SDK2: variants seen among roughly 807,000 people sequenced by gnomAD.
The protein encoded by SDK2 is sidekick cell adhesion molecule 2.
SDK2 carries 105 observed loss-of-function variants against 253.9 expected under a neutral mutation model. The ratio of observed to expected loss-of-function variants is 0.41; its 90% confidence interval spans 0.35 to 0.49. The LOEUF is 0.49. Among genes scored for constraint, SDK2 ranks in the 20% least tolerant of loss-of-function variants. SDK2 has a pLI of 0.06. For synonymous variants in SDK2, 1,249 were observed against 1,234.9 expected, an observed-to-expected ratio of 1.01 and a Z score of -0.24; for missense variants, 2,608 against 3,003.0, an observed-to-expected ratio of 0.87 and a Z score of 3.07.
At chr17:73,477,171 A>G (rs190701279) in intron 2 of SDK2, among the ~76,000 whole-genome samples, 2 of 152,114 alleles carry the variant, frequency 1.3e-5, no homozygotes, top group East Asian at 1.9e-4. Context: ...CACCTCCGAT[A>G]ATGACAGTAA....
intron 2 of SDK2, among the ~76,000 whole-genome samples, chr17:73,505,334 T>C (rs2063926131): frequency 6.6e-6 from 1 of 152,228 alleles, no homozygotes; most frequent in Non-Finnish European, 1.5e-5. Context: ...TCAGTGTGTT[T>C]ATCTGTAAAA....
In SDK2 at chr17:73,401,216, G is replaced by A; in HGVS notation, c.2780-5C>T. The A allele has an allele frequency of 3.2e-6, 5 of 1,543,206 alleles. No homozygotes were observed. Among genetic ancestry groups the A allele is most frequent in the Non-Finnish European group, 4.4e-6 (5 of 1,141,016 alleles). On this transcript the variant is annotated splice_region_variant and splice_polypyrimidine_tract_variant and intron_variant, in intron 20 of 44. Transcript: ENST00000392650. ...CCTCCCAGGAGATCCGGTACCCTGG[G>A]GAGAGCCGCCGTGTTGGCATGAGCT... is the stretch of plus-strand genomic sequence containing the variant.
rs2046368073 is a variant in SDK2 at position 73,639,249 on chromosome 17, G to T, written c.64+4776C>A. ...CATTCACCACGTCTGCAGGAGAAGGGTCTCCCCAGGGCTCCCTGGGCTCAG... is the reference window on the plus strand; with the variant it reads ...CATTCACCACGTCTGCAGGAGAAGGTTCTCCCCAGGGCTCCCTGGGCTCAG... On this transcript the variant is annotated intron_variant, in intron 1 of 44. Transcript: ENST00000392650. The surrounding 1 kb of genome is among the most constrained non-coding windows in gnomAD (Gnocchi z 4.3). Among the ~76,000 whole-genome samples the T allele has an allele frequency of 6.6e-6, 1 of 152,172 alleles. No homozygotes were observed. Among genetic ancestry groups the T allele is most frequent in the Admixed American group, 6.5e-5 (1 of 15,288 alleles).
At chr17:73,423,641 A>C in intron 13 of SDK2, 119 bp from the exon 14 acceptor site, 1 of 1,243,250 alleles carries the variant, frequency 8.0e-7, no homozygotes, top group Non-Finnish European at 1.1e-6. Context: ...TTAGACGTAA[A>C]ATGTGGCCTT....
intron 22 of SDK2, 48 bp from the exon 23 acceptor site, chr17:73,398,477 C>T (rs755494922): frequency 9.9e-6 from 15 of 1,513,226 alleles, no homozygotes; most frequent in Admixed American, 6.8e-5. Flanking sequence ...AGGGCCCACA[C>T]GGGGTGCTCC....
At chr17:73,500,882 C>G (rs887434309) in intron 2 of SDK2, among the ~76,000 whole-genome samples, 1 of 151,024 alleles carries the variant, frequency 6.6e-6, no homozygotes, top group Non-Finnish European at 1.5e-5. Flanking sequence ...TCCATCCTCC[C>G]TCCATCTCCT....
At chr17:73,430,708 T>A in intron 11 of SDK2, 95 bp from the exon 12 acceptor site, 1 of 773,822 alleles carries the variant, frequency 1.3e-6, no homozygotes, top group Non-Finnish European at 1.9e-6. Flanking sequence ...CCCAAATGGT[T>A]AAAAAGAACA....
chr17:73,342,721 G>A (rs941425938), intron 44 of SDK2, among the ~76,000 whole-genome samples: 1 of 151,400 alleles, frequency 6.6e-6, no homozygotes, highest in African/African-American at 2.4e-5. Flanking sequence ...TCTCTGGGGG[G>A]AGGAGCTTGT....
rs371360225 is a variant in SDK2 at position 73,346,222 on chromosome 17, A to G, written c.6165+2377T>C. 4.6e-5 allele frequency among the ~76,000 whole-genome samples: 7 copies of G among 152,096 alleles called. No homozygotes were observed. The East Asian group carries it at 7.7e-4, about 17-fold the overall frequency. Reference sequence around the variant, plus strand: ...AAACTCCGTCTCAAGAAAAAAAAAAAAAAAGAAAAAGAAAACATGATTTGC... The same window carrying G: ...AAACTCCGTCTCAAGAAAAAAAAAAGAAAAGAAAAAGAAAACATGATTTGC... On this transcript the variant is annotated intron_variant, in intron 44 of 44. Coordinates refer to ENST00000392650, the MANE Select transcript of SDK2 (RefSeq NM_001144952.2).
In SDK2 at chr17:73,528,147, C is replaced by A. The variant is rs542634448; in HGVS notation, c.65-20550G>T. On this transcript the variant is annotated intron_variant, in intron 1 of 44. Coordinates refer to ENST00000392650, the MANE Select transcript of SDK2 (RefSeq NM_001144952.2). The stretch of plus-strand genomic sequence containing the variant: ...CGTTCAGGTGCTAGCCAGTCCTGGA[C>A]CCCAGAGGAGGGGTGTGGAGCCATC... Among the ~76,000 whole-genome samples, 24 of 152,172 alleles carry A rather than the reference C, an allele frequency of 1.6e-4. 1 individual carries two copies. In the South Asian group the frequency reaches 5.0e-3, roughly 32 times the overall value.
rs80235205 is a variant in SDK2, at chr17:73,528,237, G to T, written c.65-20640C>A. 6.5e-3 allele frequency among the ~76,000 whole-genome samples: 994 copies of T among 152,310 alleles called. 8 individuals are homozygous for T. The highest frequency in any genetic ancestry group is 0.023 in the African/African-American group (942 of 41,572). On this transcript the variant is annotated intron_variant, in intron 1 of 44. Coordinates refer to ENST00000392650, the MANE Select transcript of SDK2 (RefSeq NM_001144952.2). ...AAAATTCCCAGAGAGACAGGGGAGA[G>T]TGAAGAGGTAGGGAGCCCGGCAGTC... is the stretch of plus-strand genomic sequence containing the variant.
At chr17:73,627,197 G>C (rs1262287111) in intron 1 of SDK2, among the ~76,000 whole-genome samples, 1 of 152,122 alleles carries the variant, frequency 6.6e-6, no homozygotes, top group Non-Finnish European at 1.5e-5. Context: ...AAGGGGATAG[G>C]CTTTATATAA....
Position 73,483,684 on chromosome 17 carries a change from TATATATATATATATATATATATA to T in SDK2, c.225-11489_225-11467del, listed in dbSNP as rs1433237807. ...GTGTATATATATATATATATATATTTATATATATATATATATATATATATTTTTTTTTTTTTTTAGTAGAGTTG... is the reference window on the plus strand; with the variant it reads ...GTGTATATATATATATATATATATTTTTTTTTTTTTTTTTTAGTAGAGTTG... On this transcript the variant is annotated intron_variant, in intron 2 of 44. Transcript: ENST00000392650. 6.8e-4 allele frequency among the ~76,000 whole-genome samples: 31 copies of T among 45,836 alleles called. 2 individuals are homozygous for T. The highest frequency in any genetic ancestry group is 2.2e-3 in the South Asian group (3 of 1,364). The allele number at this position is 45,836 out of a possible 152,430, so 30.1% of individuals were successfully genotyped here.
At position 73,612,402 on chromosome 17, in the gene SDK2, AGCTGCACCTAG is replaced by A. The variant is rs2045987489; in HGVS notation, c.64+31612_64+31622del. Among the ~76,000 whole-genome samples, 1 of 151,826 alleles carries A rather than the reference AGCTGCACCTAG, an allele frequency of 6.6e-6. No homozygotes were observed. The highest frequency in any genetic ancestry group is 1.5e-5 in the Non-Finnish European group (1 of 67,960). ...CACCCTCACCGGGTCCCTGTGGCCC[AGCTGCACCTAG>A]GCTGCAGGCTGGCCTCCCAAGGTCC... On this transcript the variant is annotated intron_variant, in intron 1 of 44. Coordinates refer to ENST00000392650, the MANE Select transcript of SDK2 (RefSeq NM_001144952.2). This position sits in a 1 kb window ranked among gnomAD's most constrained non-coding sequence, Gnocchi z 4.4.
intron 16 of SDK2, among the ~76,000 whole-genome samples, chr17:73,416,882 C>A (rs989073347): frequency 3.3e-5 from 5 of 152,030 alleles, no homozygotes; most frequent in African/African-American, 1.2e-4. Context: ...AGCCACCATG[C>A]CCAGCTACAC....
intron 4 of SDK2, among the ~76,000 whole-genome samples, chr17:73,449,600 CTCTT>C (rs1243116876): frequency 1.6e-5 from 2 of 128,172 alleles, no homozygotes; most frequent in African/African-American, 2.9e-5. Flanking sequence ...GCCCCCCCAC[CTCTT>C]TTTTTTTTTT....
chr17:73,342,817 T>TA (rs1017714811), intron 44 of SDK2, among the ~76,000 whole-genome samples: 4 of 151,828 alleles, frequency 2.6e-5, no homozygotes, highest in African/African-American at 9.7e-5. Flanking sequence ...GTAAAATGGG[T>TA]AGAGTTCCAT....
chr17:73,581,384 G>A (rs2045532171), intron 1 of SDK2, among the ~76,000 whole-genome samples: 1 of 152,178 alleles, frequency 6.6e-6, no homozygotes, highest in South Asian at 2.1e-4. Flanking sequence ...TTCCTCATTA[G>A]TTTCTTGGGC....
At chr17:73,484,580 C>T (rs1318200105) in intron 2 of SDK2, among the ~76,000 whole-genome samples, 1 of 152,244 alleles carries the variant, frequency 6.6e-6, no homozygotes, top group Non-Finnish European at 1.5e-5. Context: ...GCTGCTGTAA[C>T]AAAGCACCAT....
Sources: gnomAD v4.1 joint callset for allele counts (sites outside exome capture counted in the v4.1 genomes callset) on GRCh38, gnomAD v4.1.1 for gene constraint, Gnocchi (gnomAD v3.1) non-coding constraint, MANE v1.5 for transcripts, NCBI Gene and HGNC (gene_info 2026-07-23, HGNC 2026-07-21) for gene names.